Variants in SLC49A4 observed in about 807,000 individuals in gnomAD.
SLC49A4 encodes disrupted in renal cancer protein 2.
SLC49A4 carries 36 observed loss-of-function variants against 50.6 expected under a neutral mutation model. That is an observed-to-expected ratio of 0.71 (90% CI 0.55 to 0.94). The LOEUF is 0.94. Ranked by LOEUF, SLC49A4 falls within the 40% of genes least tolerant of loss-of-function variation. The probability of loss-of-function intolerance (pLI) is 0.00; values close to 1 mark genes in which losing one functional copy is unlikely to be tolerated. For missense variants in SLC49A4, 503 were observed against 605.7 expected (o/e 0.83, Z 1.78); for synonymous variants, 248 against 241.2 (o/e 1.03, Z -0.26).
rs780876946 is a variant in SLC49A4, at chr3:122,826,899, GGCCACA to G, written c.546_551del (p.Thr183_Ala184del). 10 of 1,614,032 alleles carry G rather than the reference GGCCACA, an allele frequency of 6.2e-6. No homozygotes were observed. The South Asian group carries it at 6.6e-5, about 11-fold the overall frequency. ...CGACGTGGTTTTCTGCAGATGAAAG[GGCCACA>G]GCCACAGCTATTGCATCAATGCTCA... On this transcript the variant is annotated inframe_deletion, in exon 3 of 9. Transcript: ENST00000261038.
At chr3:122,850,477 G>A (rs975478962) in intron 5 of SLC49A4, among the ~76,000 whole-genome samples, 3 of 151,824 alleles carry the variant, frequency 2.0e-5, no homozygotes, top group South Asian at 2.1e-4. Flanking sequence ...GGGCAAACAG[G>A]AAAAGGATTA....
In SLC49A4 at chr3:122,875,695, T is replaced by A. The variant is rs1363183280; in HGVS notation, c.1321+3098T>A. Among the ~76,000 whole-genome samples the A allele has an allele frequency of 9.9e-5, 15 of 152,200 alleles. 1 individual carries two copies. Among genetic ancestry groups the A allele is most frequent in the Admixed American group, 9.8e-4 (15 of 15,280 alleles). ...ATCATCATAAAGATCTGTGGTTTTT[T>A]AAGTCACTTCTCAAGGAAGTACTAA... On this transcript the variant is annotated intron_variant, in intron 8 of 8. Transcript: ENST00000261038.
intron 7 of SLC49A4, 47 bp from the exon 8 acceptor site, chr3:122,872,368 C>G: frequency 6.7e-7 from 1 of 1,483,512 alleles, no homozygotes; most frequent in Non-Finnish European, 9.3e-7. Flanking sequence ...TCTGATATGA[C>G]TCACTGCCGC....
chr3:122,832,026 G>T (rs1936615674), intron 3 of SLC49A4, among the ~76,000 whole-genome samples: 1 of 151,702 alleles, frequency 6.6e-6, no homozygotes, highest in Non-Finnish European at 1.5e-5. Flanking sequence ...AAAAAAATAG[G>T]AATCTTTAAA....
At chr3:122,851,642 T>C (rs1044044799) in intron 5 of SLC49A4, among the ~76,000 whole-genome samples, 2 of 152,174 alleles carry the variant, frequency 1.3e-5, no homozygotes, top group African/African-American at 4.8e-5. Context: ...ACTTGAGGTT[T>C]ACACAACTTA....
intron 6 of SLC49A4, among the ~76,000 whole-genome samples, chr3:122,857,123 A>G (rs1430982878): frequency 6.6e-6 from 1 of 152,044 alleles, no homozygotes; most frequent in Non-Finnish European, 1.5e-5. Flanking sequence ...GACATTATTT[A>G]TTTATGGTCT....
chr3:122,861,654 C>T (rs191452811), intron 7 of SLC49A4, among the ~76,000 whole-genome samples: 1 of 152,302 alleles, frequency 6.6e-6, no homozygotes, highest in Admixed American at 6.5e-5. Flanking sequence ...GATCTCTATA[C>T]TCTGTAATAA....
rs1576314449 is a variant in SLC49A4 at position 122,877,102 on chromosome 3, T to G, written c.1322-2161T>G. 3.9e-5 allele frequency among the ~76,000 whole-genome samples: 6 copies of G among 152,024 alleles called. No individual in the cohort carries two copies. In the South Asian group the frequency reaches 1.2e-3, roughly 32 times the overall value. On this transcript the variant is annotated intron_variant, in intron 8 of 8. Transcript: ENST00000261038. ...TTCTGTTAGTTCATCTACATCAGGGTCAGAAAGGGGATCAGAAAGGACAGC... is the reference window on the plus strand; with the variant it reads ...TTCTGTTAGTTCATCTACATCAGGGGCAGAAAGGGGATCAGAAAGGACAGC...
intron 7 of SLC49A4, among the ~76,000 whole-genome samples, chr3:122,868,972 C>T (rs913820817): frequency 1.3e-4 from 20 of 152,170 alleles, no homozygotes; most frequent in African/African-American, 4.3e-4. Flanking sequence ...AAGGATCCTG[C>T]GCCAAGGCTG....
chr3:122,826,960 G>A lies in SLC49A4; in HGVS notation c.598G>A (p.Val200Ile). Residue 200 changes from valine to isoleucine, a missense_variant, in exon 3 of 9, where the codon GTT (valine) becomes ATT (isoleucine). Coordinates refer to ENST00000261038, the MANE Select transcript of SLC49A4 (RefSeq NM_032839.3). ...SYLGGACAFL[V>I]GPLVVPAPNG... ...TCTTGGGGGAGCATGTGCATTTTTAGTTGGACCACTTGTTGTTCCAGCTCC... is the reference window on the plus strand; with the variant it reads ...TCTTGGGGGAGCATGTGCATTTTTAATTGGACCACTTGTTGTTCCAGCTCC... 3 of 1,614,220 alleles carry A rather than the reference G, an allele frequency of 1.9e-6. No individual in the cohort carries two copies. Among genetic ancestry groups the A allele is most frequent in the South Asian group, 1.1e-5 (1 of 91,090 alleles).
At chr3:122,847,225 C>A (rs1936865314) in intron 5 of SLC49A4, among the ~76,000 whole-genome samples, 1 of 152,074 alleles carries the variant, frequency 6.6e-6, no homozygotes, top group Non-Finnish European at 1.5e-5. Context: ...CAAAATGAGG[C>A]CTACACATGC....
At chr3:122,868,474 C>A (rs1937150777) in intron 7 of SLC49A4, among the ~76,000 whole-genome samples, 1 of 152,022 alleles carries the variant, frequency 6.6e-6, no homozygotes, top group African/African-American at 2.4e-5. Flanking sequence ...TAGTTTGAAC[C>A]CTCTATGACA....
chr3:122,807,616 G>A (rs1042857942), intron 2 of SLC49A4, among the ~76,000 whole-genome samples: 1 of 152,132 alleles, frequency 6.6e-6, no homozygotes, highest in African/African-American at 2.4e-5. Context: ...CAATAAAAAG[G>A]TATTTTTGTT....
At chr3:122,834,299 T>C (rs1227411264) in intron 4 of SLC49A4, among the ~76,000 whole-genome samples, 1 of 152,170 alleles carries the variant, frequency 6.6e-6, no homozygotes, top group African/African-American at 2.4e-5. Flanking sequence ...GCAAGCCACA[T>C]AAGTAATCTT....
chr3:122,849,281 C>CT (rs1211818954), intron 5 of SLC49A4, among the ~76,000 whole-genome samples: 9 of 152,126 alleles, frequency 5.9e-5, no homozygotes, highest in South Asian at 4.1e-4. Flanking sequence ...ATTTCTTTTT[C>CT]ATATACTGAT....
intron 4 of SLC49A4, among the ~76,000 whole-genome samples, chr3:122,838,561 TG>T (rs1411625526): frequency 1.8e-5 from 1 of 54,808 alleles, no homozygotes; most frequent in East Asian, 6.9e-4. Flanking sequence ...TGTTGTGGGG[TG>T]GGGGGAGGGG....
At chr3:122,857,995 A>G (rs1449671163) in intron 6 of SLC49A4, among the ~76,000 whole-genome samples, 1 of 152,154 alleles carries the variant, frequency 6.6e-6, no homozygotes, top group Admixed American at 6.5e-5. Context: ...AAAAAATACT[A>G]CCCTTACTCT....
At chr3:122,870,848 T>A (rs183079739) in intron 7 of SLC49A4, among the ~76,000 whole-genome samples, 14 of 148,314 alleles carry the variant, frequency 9.4e-5, no homozygotes, top group Admixed American at 8.1e-4. Context: ...AATAATTAAT[T>A]AATAATTCTA....
At chr3:122,795,634 T>A in intron 1 of SLC49A4, 99 bp downstream of exon 1, 1 of 1,482,704 alleles carries the variant, frequency 6.7e-7, no homozygotes. Context: ...GGCCCCGGCA[T>A]AGGGGTTGTG....
Sources: gnomAD v4.1 joint callset for allele counts (sites outside exome capture counted in the v4.1 genomes callset) on GRCh38, gnomAD v4.1.1 for gene constraint, MANE v1.5 for transcripts, NCBI Gene and HGNC (gene_info 2026-07-23, HGNC 2026-07-21) for gene names.